CDH6: variants seen among roughly 807,000 people sequenced by gnomAD.
CDH6 encodes cadherin-6.
A neutral mutation model predicts 78.0 loss-of-function variants in CDH6; 31 were observed. The ratio of observed to expected loss-of-function variants is 0.40; its 90% CI spans 0.30 to 0.54. CDH6 has a LOEUF of 0.54. CDH6 is among the 20% of genes least tolerant of loss of function. The pLI, the probability that CDH6 is intolerant of heterozygous loss-of-function variation, is 0.56. For synonymous variants in CDH6, 376 were observed against 368.8 expected (o/e 1.02, Z -0.23); for missense variants, 724 against 975.9 (o/e 0.74, Z 3.44).
intron 8 of CDH6, among the ~76,000 whole-genome samples, chr5:31,313,801 G>A (rs1187550200): frequency 6.6e-6 from 1 of 152,186 alleles, no homozygotes; most frequent in African/African-American, 2.4e-5. Context: ...GACACTGTGT[G>A]TGGGGGCAAA....
At chr5:31,231,864 A>G (rs1741319165) in intron 1 of CDH6, among the ~76,000 whole-genome samples, 1 of 152,196 alleles carries the variant, frequency 6.6e-6, no homozygotes, top group Non-Finnish European at 1.5e-5. Context: ...CTCTAACATA[A>G]AGAGATAAAA....
At chr5:31,248,113 G>A (rs1413318915) in intron 1 of CDH6, among the ~76,000 whole-genome samples, 53 of 152,074 alleles carry the variant, frequency 3.5e-4, no homozygotes, top group Admixed American at 3.1e-3. Context: ...CTTCTTTTAA[G>A]CAATTACACT....
Position 31,259,504 on chromosome 5 carries a change from G to A in CDH6, c.-128-7842G>A, listed in dbSNP as rs182562055. 7.8e-4 allele frequency among the ~76,000 whole-genome samples: 118 copies of A among 152,152 alleles called. 1 individual carries two copies. Among genetic ancestry groups the A allele is most frequent in the Middle Eastern group, 3.4e-3 (1 of 294 alleles). ...TTGTAAGAGGGTTTTAACATCTCCCGGTCTTGTTTAAGCTTCATTGTCTTC... is the reference window on the plus strand; with the variant it reads ...TTGTAAGAGGGTTTTAACATCTCCCAGTCTTGTTTAAGCTTCATTGTCTTC... On this transcript the variant is annotated intron_variant, in intron 1 of 11. Transcript: ENST00000265071.
intron 1 of CDH6, among the ~76,000 whole-genome samples, chr5:31,233,375 C>T (rs1741367768): frequency 6.6e-6 from 1 of 151,372 alleles, no homozygotes; most frequent in Non-Finnish European, 1.5e-5. Flanking sequence ...ATTAACCGGG[C>T]ATAGTTGTGC....
At chr5:31,265,568 A>G (rs1193026763) in intron 1 of CDH6, among the ~76,000 whole-genome samples, 2 of 152,184 alleles carry the variant, frequency 1.3e-5, no homozygotes, top group African/African-American at 4.8e-5. Flanking sequence ...CTTGTCACAT[A>G]TACATTTACC....
chr5:31,302,958 G>GAAATAAA (rs1561066578), intron 6 of CDH6, among the ~76,000 whole-genome samples: 1 of 106,098 alleles, frequency 9.4e-6, no homozygotes, highest in East Asian at 2.4e-4. Flanking sequence ...AAAGAAAGAA[G>GAAATAAA]GAAAGAAAAG....
intron 6 of CDH6, among the ~76,000 whole-genome samples, chr5:31,302,948 A>G (rs1178108121): frequency 1.5e-5 from 2 of 131,580 alleles, no homozygotes; most frequent in African/African-American, 2.6e-5. Context: ...AGAAAGAAAG[A>G]AAGAAAGAAG....
intron 1 of CDH6, among the ~76,000 whole-genome samples, chr5:31,225,779 A>AT (rs1181296470): frequency 6.6e-6 from 1 of 152,218 alleles, no homozygotes; most frequent in Non-Finnish European, 1.5e-5. Flanking sequence ...GAGCCAAACC[A>AT]TATCACTGTC....
At chr5:31,275,896 T>A (rs552376814) in intron 2 of CDH6, among the ~76,000 whole-genome samples, 78 of 152,336 alleles carry the variant, frequency 5.1e-4, no homozygotes, top group South Asian at 3.9e-3. Context: ...AATTTTAAAA[T>A]GTCTTCCTTA....
At chr5:31,302,069 G>A (rs200714015) in intron 5 of CDH6, 42 bp from the exon 6 acceptor site, 1 of 1,356,828 alleles carries the variant, frequency 7.4e-7, no homozygotes, top group Admixed American at 1.8e-5. Context: ...ATAAGAGTGT[G>A]GTTAGTCTAT....
At position 31,301,771 on chromosome 5, in the gene CDH6, T is replaced by C. The variant is rs560694599; in HGVS notation, c.812-340T>C. On this transcript the variant is annotated intron_variant, in intron 5 of 11. Coordinates refer to ENST00000265071, the MANE Select transcript of CDH6 (RefSeq NM_004932.4). ...CAGTTCAGATTAAATTCTTCTCTAC[T>C]CTTTCTGTTAGATGAAGTTAACAAA... Among the ~76,000 whole-genome samples the C allele has an allele frequency of 3.9e-5, 6 of 152,356 alleles. No homozygotes were observed. The East Asian group carries it at 1.2e-3, about 29-fold the overall frequency.
intron 1 of CDH6, among the ~76,000 whole-genome samples, chr5:31,223,185 T>C (rs1227674714): frequency 6.6e-6 from 1 of 152,208 alleles, no homozygotes; most frequent in African/African-American, 2.4e-5. Flanking sequence ...TTTAGAGTAG[T>C]AGAGATTTAT....
intron 2 of CDH6, among the ~76,000 whole-genome samples, chr5:31,269,246 C>T (rs1195266986): frequency 1.5e-5 from 2 of 137,250 alleles, no homozygotes; most frequent in Admixed American, 7.6e-5. Flanking sequence ...CATTTTACAT[C>T]TATAATGCCA....
At chr5:31,205,172 A>G (rs548419323) in intron 1 of CDH6, among the ~76,000 whole-genome samples, 1 of 152,318 alleles carries the variant, frequency 6.6e-6, no homozygotes, top group African/African-American at 2.4e-5. Context: ...TACTAGGTGA[A>G]ATTCTTCTCA....
At chr5:31,312,569 TG>T (rs1738188929) in intron 7 of CDH6, among the ~76,000 whole-genome samples, 1 of 152,144 alleles carries the variant, frequency 6.6e-6, no homozygotes, top group African/African-American at 2.4e-5. Flanking sequence ...CACGCACCTG[TG>T]GTCCCAGCTA....
chr5:31,307,520 C>A (rs1177348753), intron 7 of CDH6, among the ~76,000 whole-genome samples: 1 of 152,152 alleles, frequency 6.6e-6, no homozygotes, highest in South Asian at 2.1e-4. Flanking sequence ...CTCCATGGAC[C>A]AAGTGTTTCT....
intron 1 of CDH6, among the ~76,000 whole-genome samples, chr5:31,199,220 C>T (rs1287548853): frequency 6.6e-6 from 1 of 151,390 alleles, no homozygotes; most frequent in African/African-American, 2.4e-5. Flanking sequence ...TATATATATA[C>T]ACACACATAC....
chr5:31,302,778 AAGAGAGAGAGAGAG>A (rs766671272), intron 6 of CDH6, among the ~76,000 whole-genome samples: 6 of 64,610 alleles, frequency 9.3e-5, no homozygotes, highest in African/African-American at 2.9e-4. Flanking sequence ...AGAAAGAAGA[AAGAGAGAGAGAGAG>A]AGAGAGAGAA....
At position 31,322,836 on chromosome 5, in the gene CDH6, C is replaced by T. The variant is rs756042612; in HGVS notation, c.1901C>T (p.Ala634Val). Residue 634 changes from alanine (A) to valine (V), a missense_variant, in exon 12 of 12, where the codon GCA becomes GTA. Ala to Val is a moderately conservative substitution (Grantham distance 64). This residue lies in a region of CDH6 where 220 missense variants were observed against 240.6 expected (regional missense o/e 0.91). Coordinates refer to ENST00000265071, the MANE Select transcript of CDH6 (RefSeq NM_004932.4). ...CTTCCAGTGACAGTGGTGCTGTTTGCAGCTCTGAGGCGGCAGCGAAAAAAA... is the reference window on the plus strand; with the variant it reads ...CTTCCAGTGACAGTGGTGCTGTTTGTAGCTCTGAGGCGGCAGCGAAAAAAA... The part of the protein sequence containing the change: ...VILLVTVVLF[A>V]ALRRQRKKEP... The T allele has an allele frequency of 2.5e-6, 4 of 1,613,094 alleles. No homozygotes were observed. Among genetic ancestry groups the T allele is most frequent in the South Asian group, 2.2e-5 (2 of 91,040 alleles).
Sources: allele counts gnomAD v4.1 joint callset (sites outside exome capture counted in the v4.1 genomes callset), GRCh38; gene constraint gnomAD v4.1.1; regional missense constraint gnomAD v4.1.1; transcripts MANE v1.5; gene names NCBI Gene and HGNC (gene_info 2026-07-23, HGNC 2026-07-21).